Variants in SLC24A2 observed in about 807,000 individuals in gnomAD.
The protein encoded by SLC24A2 is solute carrier family 24 member 2, also known as sodium/potassium/calcium exchanger 2.
Under a neutral mutation model 62.0 loss-of-function variants are expected in SLC24A2, and 36 were observed. That is an observed-to-expected ratio of 0.58 (90% CI 0.44 to 0.77). The LOEUF is 0.77. Among genes scored for constraint, SLC24A2 ranks in the 30% least tolerant of loss-of-function variants. SLC24A2 has a pLI of 0.00. For missense variants in SLC24A2, 846 were observed against 817.9 expected (o/e 1.03, Z -0.42); for synonymous variants, 358 against 294.0 (o/e 1.22, Z -2.23).
chr9:19,876,102 C>T, the SLC24A2 span, among the ~76,000 whole-genome samples: 3 of 152,100 alleles, frequency 2.0e-5, no homozygotes, highest in Admixed American at 6.6e-5. Flanking sequence ...ATTATTAAAG[C>T]CAAATCAAAG....
chr9:19,665,783 T>TTGTG (rs965844741), intron 2 of SLC24A2, among the ~76,000 whole-genome samples: 2 of 151,698 alleles, frequency 1.3e-5, no homozygotes, highest in African/African-American at 2.4e-5. Context: ...CCTGGTTAAT[T>TTGTG]TGTGTGTGTG....
chr9:19,773,670 C>G (rs533699113), intron 2 of SLC24A2, among the ~76,000 whole-genome samples: 145 of 152,166 alleles, frequency 9.5e-4, no homozygotes, highest in Non-Finnish European at 1.7e-3. Flanking sequence ...AGCTAGGCAC[C>G]AGATACTGCA....
chr9:20,230,363 G>A, the SLC24A2 span, among the ~76,000 whole-genome samples: 3 of 152,126 alleles, frequency 2.0e-5, no homozygotes, highest in Non-Finnish European at 4.4e-5. Context: ...GTGTAAAAGT[G>A]TTCCTATTTC....
At chr9:19,974,639 C>T in the SLC24A2 span, among the ~76,000 whole-genome samples, 1 of 152,094 alleles carries the variant, frequency 6.6e-6, no homozygotes, top group Admixed American at 6.5e-5. Context: ...TTCAGAACAC[C>T]ATATAGGATT....
At chr9:20,210,633 C>T in the SLC24A2 span, among the ~76,000 whole-genome samples, 102 of 139,022 alleles carry the variant, frequency 7.3e-4, no homozygotes, top group East Asian at 0.019. Context: ...GCCACAACGC[C>T]CGGCTTTTTT....
chr9:19,878,337 C>T, the SLC24A2 span, among the ~76,000 whole-genome samples: 1 of 152,084 alleles, frequency 6.6e-6, no homozygotes, highest in African/African-American at 2.4e-5. Flanking sequence ...AGGAGTGGGG[C>T]CAGTTCCATT....
the SLC24A2 span, among the ~76,000 whole-genome samples, chr9:19,918,634 G>A: frequency 6.6e-6 from 1 of 152,232 alleles, no homozygotes; most frequent in Non-Finnish European, 1.5e-5. Flanking sequence ...TCTTGCGTGT[G>A]TTTCCCCAGA....
intron 2 of SLC24A2, among the ~76,000 whole-genome samples, chr9:19,637,694 C>G (rs1418997089): frequency 2.0e-5 from 3 of 152,206 alleles, no homozygotes; most frequent in African/African-American, 7.2e-5. Context: ...TCCTTAGCTT[C>G]TTTGTTTCAC....
intron 2 of SLC24A2, among the ~76,000 whole-genome samples, chr9:19,690,909 G>T (rs555933140): frequency 7.3e-6 from 1 of 137,840 alleles, no homozygotes; most frequent in East Asian, 2.8e-4. Flanking sequence ...CGTATTGTGT[G>T]TGTGCGTGTG....
At chr9:20,114,393 C>T in the SLC24A2 span, among the ~76,000 whole-genome samples, 3 of 152,096 alleles carry the variant, frequency 2.0e-5, no homozygotes, top group Non-Finnish European at 4.4e-5. Context: ...TAAACTAGTC[C>T]TATGCTAAAG....
chr9:20,104,602 C>T, the SLC24A2 span, among the ~76,000 whole-genome samples: 1 of 152,248 alleles, frequency 6.6e-6, no homozygotes, highest in South Asian at 2.1e-4. Flanking sequence ...CCAAACTAAG[C>T]TTCATAAGTG....
At chr9:19,918,237 G>A in the SLC24A2 span, among the ~76,000 whole-genome samples, 2 of 150,712 alleles carry the variant, frequency 1.3e-5, no homozygotes, top group Non-Finnish European at 3.0e-5. Flanking sequence ...TATTTTATTT[G>A]GTTGTAGTAT....
intron 4 of SLC24A2, among the ~76,000 whole-genome samples, chr9:19,604,559 C>A (rs900148707): frequency 7.2e-5 from 11 of 152,254 alleles, no homozygotes; most frequent in Middle Eastern, 3.4e-3. Context: ...AGCCGAGTTT[C>A]TACCCTCTGG....
At chr9:19,897,926 C>T in the SLC24A2 span, among the ~76,000 whole-genome samples, 1 of 152,210 alleles carries the variant, frequency 6.6e-6, no homozygotes, top group African/African-American at 2.4e-5. Context: ...GTGTTATTCC[C>T]CATCCCACTT....
chr9:20,301,988 G>C, the SLC24A2 span, among the ~76,000 whole-genome samples: 2 of 152,030 alleles, frequency 1.3e-5, no homozygotes. Context: ...CATAGAGTTG[G>C]AATCATACAC....
chr9:20,150,642 G>A, the SLC24A2 span, among the ~76,000 whole-genome samples: 1 of 139,332 alleles, frequency 7.2e-6, no homozygotes. Context: ...GCAAATATTT[G>A]TGAATAATGA....
the SLC24A2 span, among the ~76,000 whole-genome samples, chr9:20,116,464 T>C: frequency 6.6e-6 from 1 of 152,168 alleles, no homozygotes; most frequent in Non-Finnish European, 1.5e-5. Context: ...CATCACATCA[T>C]CCATCATAAC....
At chr9:19,659,984 A>G (rs929119875) in intron 2 of SLC24A2, among the ~76,000 whole-genome samples, 1 of 152,196 alleles carries the variant, frequency 6.6e-6, no homozygotes, top group African/African-American at 2.4e-5. Context: ...TTACGAGGGG[A>G]CCAAGACTTT....
the SLC24A2 span, among the ~76,000 whole-genome samples, chr9:20,011,541 C>G: frequency 6.6e-6 from 1 of 151,990 alleles, no homozygotes; most frequent in African/African-American, 2.4e-5. Context: ...TGAAAAAGAA[C>G]AAATAAGGCC....
Sources: gnomAD v4.1 joint callset for allele counts (sites outside exome capture counted in the v4.1 genomes callset) on GRCh38, gnomAD v4.1.1 for gene constraint, MANE v1.5 for transcripts, NCBI Gene and HGNC (gene_info 2026-07-23, HGNC 2026-07-21) for gene names.